TRIM2: variants seen among roughly 807,000 people sequenced by gnomAD.
The protein encoded by TRIM2 is tripartite motif containing 2, also known as tripartite motif-containing protein 2.
A neutral mutation model predicts 75.2 loss-of-function variants in TRIM2; 20 were observed. The ratio of observed to expected loss-of-function variants is 0.27; its 90% CI spans 0.19 to 0.39. TRIM2 has a LOEUF of 0.39. Among genes scored for constraint, TRIM2 ranks in the 10% least tolerant of loss-of-function variants. The pLI is 1.00. For missense variants in TRIM2, 660 were observed against 990.8 expected, an observed-to-expected ratio of 0.67 and a Z score of 4.48; for synonymous variants, 373 against 388.3, an observed-to-expected ratio of 0.96 and a Z score of 0.46.
chr4:153,231,489 G>A (rs1172149127), intron 1 of TRIM2, among the ~76,000 whole-genome samples: 1 of 152,170 alleles, frequency 6.6e-6, no homozygotes, highest in Non-Finnish European at 1.5e-5. Context: ...AAGCAAAGGT[G>A]GAGAGTCATT....
chr4:153,251,378 G>A (rs1245958221), intron 1 of TRIM2, among the ~76,000 whole-genome samples: 1 of 152,214 alleles, frequency 6.6e-6, no homozygotes. Context: ...GCTGAACTGT[G>A]AAATCCATCA....
At chr4:153,169,630 T>C (rs1320766694) in intron 1 of TRIM2, among the ~76,000 whole-genome samples, 3 of 152,242 alleles carry the variant, frequency 2.0e-5, no homozygotes, top group Non-Finnish European at 4.4e-5. Flanking sequence ...TATGTATTTA[T>C]ATGATGTTTT....
At chr4:153,313,685 T>C (rs990221839) in intron 6 of TRIM2, among the ~76,000 whole-genome samples, 5 of 142,316 alleles carry the variant, frequency 3.5e-5, no homozygotes, top group African/African-American at 1.1e-4. Context: ...TAGGCTAGAG[T>C]GCAGTGGTGT....
At chr4:153,264,901 T>A (rs1421517797) in intron 1 of TRIM2, among the ~76,000 whole-genome samples, 1 of 152,206 alleles carries the variant, frequency 6.6e-6, no homozygotes, top group Non-Finnish European at 1.5e-5. Flanking sequence ...AACAGGTCAC[T>A]TGTGACAGAT....
At chr4:153,225,621 T>C (rs1478652522) in intron 1 of TRIM2, among the ~76,000 whole-genome samples, 1 of 152,194 alleles carries the variant, frequency 6.6e-6, no homozygotes. Context: ...TGGGTAGTAT[T>C]TGGTTTAAGG....
chr4:153,197,904 G>A (rs1408080491), intron 1 of TRIM2, among the ~76,000 whole-genome samples: 1 of 151,980 alleles, frequency 6.6e-6, no homozygotes, highest in African/African-American at 2.4e-5. Flanking sequence ...TGAGAGACCC[G>A]AGAGCTCTTT....
At chr4:153,310,965 G>T (rs911583143) in intron 6 of TRIM2, among the ~76,000 whole-genome samples, 7 of 152,186 alleles carry the variant, frequency 4.6e-5, no homozygotes, top group African/African-American at 1.7e-4. Flanking sequence ...TTCAGCAGAG[G>T]TCATGGAACC....
chr4:153,218,734 C>T (rs1275827521), intron 1 of TRIM2, among the ~76,000 whole-genome samples: 1 of 152,114 alleles, frequency 6.6e-6, no homozygotes, highest in African/African-American at 2.4e-5. Context: ...TGAGTTGTAG[C>T]CACTTGTATG....
At chr4:153,209,147 G>A (rs555333460) in intron 1 of TRIM2, among the ~76,000 whole-genome samples, 60 of 152,344 alleles carry the variant, frequency 3.9e-4, no homozygotes, top group African/African-American at 1.4e-3. Flanking sequence ...GGAGCAGGGA[G>A]CCTGGTGACC....
intron 1 of TRIM2, among the ~76,000 whole-genome samples, chr4:153,167,767 G>A (rs180778241): frequency 1.8e-3 from 267 of 152,290 alleles, no homozygotes; most frequent in African/African-American, 6.3e-3. Context: ...AGAAAAGAGC[G>A]CAGACTTAGG....
intron 1 of TRIM2, among the ~76,000 whole-genome samples, chr4:153,207,202 C>A (rs1735707659): frequency 6.6e-6 from 1 of 152,198 alleles, no homozygotes; most frequent in Non-Finnish European, 1.5e-5. Flanking sequence ...AGTTCCCTAA[C>A]CTCTCTGTGC....
At position 153,337,308 on chromosome 4, in the gene TRIM2, T is replaced by C. The variant is rs759028089; in HGVS notation, c.*2342T>C. On this transcript the variant is annotated 3_prime_UTR_variant, in exon 12 of 12. Transcript: ENST00000338700. Reference sequence around the variant, plus strand: ...AACATTTCAATTATATTTGTGAACTTAGAAATTAACTTACAATCTAACCAG... The same window carrying C: ...AACATTTCAATTATATTTGTGAACTCAGAAATTAACTTACAATCTAACCAG... The C allele has an allele frequency of 1.1e-4, 113 of 985,722 alleles. No homozygotes were observed. Among genetic ancestry groups the C allele is most frequent in the Non-Finnish European group, 1.3e-4 (109 of 829,922 alleles). 61.1% of individuals were successfully genotyped at this position (985,722 alleles called of 1,614,324 possible). A position where few individuals can be genotyped will look rare whatever the true frequency, so the allele number is the denominator to read the frequency against.
chr4:153,297,131 G>A (rs968605957), intron 6 of TRIM2, among the ~76,000 whole-genome samples: 1 of 152,172 alleles, frequency 6.6e-6, no homozygotes, highest in African/African-American at 2.4e-5. Flanking sequence ...GGGAAATGAA[G>A]GCTCTGTGGA....
At chr4:153,224,179 A>G (rs1279913501) in intron 1 of TRIM2, among the ~76,000 whole-genome samples, 3 of 152,228 alleles carry the variant, frequency 2.0e-5, no homozygotes, top group East Asian at 3.9e-4. Context: ...GGGGTGAGTC[A>G]GAAGGCTTTG....
intron 1 of TRIM2, among the ~76,000 whole-genome samples, chr4:153,221,376 C>T (rs994392167): frequency 1.3e-5 from 2 of 152,122 alleles, no homozygotes; most frequent in African/African-American, 2.4e-5. Flanking sequence ...TGCAGTGAGC[C>T]ATGTTTGTGA....
chr4:153,291,923 A>G (rs1320326956), intron 3 of TRIM2, among the ~76,000 whole-genome samples: 2 of 152,242 alleles, frequency 1.3e-5, no homozygotes, highest in Non-Finnish European at 2.9e-5. Flanking sequence ...AAGTTGTGAC[A>G]CAGTGAGGCT....
chr4:153,244,584 C>T (rs991284083), intron 1 of TRIM2, among the ~76,000 whole-genome samples: 2 of 151,244 alleles, frequency 1.3e-5, no homozygotes, highest in East Asian at 1.9e-4. Flanking sequence ...TGAAGATGTA[C>T]AAAAATTTGA....
chr4:153,253,353 C>T (rs2149937841), intron 1 of TRIM2, among the ~76,000 whole-genome samples: 1 of 152,286 alleles, frequency 6.6e-6, no homozygotes, highest in East Asian at 1.9e-4. Flanking sequence ...GGCATCCCTA[C>T]ACATAGGCAC....
intron 6 of TRIM2, chr4:153,308,099 C>T: frequency 1.1e-6 from 1 of 879,626 alleles, no homozygotes; most frequent in Non-Finnish European, 2.0e-6. Flanking sequence ...GGAAGTGGGA[C>T]ATGCTCCGCT....
Sources: gnomAD v4.1 joint callset for allele counts (sites outside exome capture counted in the v4.1 genomes callset) on GRCh38, gnomAD v4.1.1 for gene constraint, MANE v1.5 for transcripts, NCBI Gene and HGNC (gene_info 2026-07-23, HGNC 2026-07-21) for gene names.